The following HS6ST2 variants were observed in gnomAD, a reference collection of about 807,000 sequenced individuals.
HS6ST2 encodes heparan-sulfate 6-O-sulfotransferase 2.
A neutral mutation model predicts 33.0 loss-of-function variants in HS6ST2; 17 were observed. That is an observed-to-expected ratio of 0.52 (90% CI 0.35 to 0.77). HS6ST2 has a LOEUF of 0.77. Among genes scored for constraint, HS6ST2 ranks in the 30% least tolerant of loss-of-function variants. The pLI is 0.01. For missense variants in HS6ST2, 519 were observed against 551.7 expected, an observed-to-expected ratio of 0.94 and a Z score of 0.59; for synonymous variants, 248 against 237.1, an observed-to-expected ratio of 1.05 and a Z score of -0.42.
At position 132,950,238 on chromosome X, in the gene HS6ST2, G is replaced by A. The variant is rs138396721; in HGVS notation, c.947+6570C>T. Among the ~76,000 whole-genome samples the A allele has an allele frequency of 4.5e-3, 500 of 111,392 alleles. 2 individuals carry two copies. Among genetic ancestry groups the A allele is most frequent in the Non-Finnish European group, 6.8e-3 (359 of 53,053 alleles). ...GGACCACATCTACCTGGTTCTTCCC[G>A]GTAACCCCAGCACATAGCACAGGGA... On this transcript the variant is annotated intron_variant, in intron 2 of 4. Coordinates refer to ENST00000370833, the MANE Select transcript of HS6ST2 (RefSeq NM_001394073.1).
intron 2 of HS6ST2, among the ~76,000 whole-genome samples, chrX:132,781,723 A>G (rs1322817752): frequency 1.8e-5 from 2 of 111,857 alleles, no homozygotes; most frequent in African/African-American, 6.5e-5. Context: ...GGCAGGAGAC[A>G]GAGCACAGGC....
chrX:132,833,497 T>C (rs1268684898), intron 2 of HS6ST2, among the ~76,000 whole-genome samples: 3 of 111,983 alleles, frequency 2.7e-5, no homozygotes, highest in Non-Finnish European at 5.6e-5. Context: ...TCTAGTGTCC[T>C]GATATCTTCC....
intron 2 of HS6ST2, among the ~76,000 whole-genome samples, chrX:132,898,411 T>C (rs1368509347): frequency 1.2e-5 from 1 of 84,991 alleles, no homozygotes; most frequent in Non-Finnish European, 2.5e-5. Flanking sequence ...ATATATAAGC[T>C]TCTCTGCATT....
chrX:132,838,147 GC>G (rs1282560585), intron 2 of HS6ST2, among the ~76,000 whole-genome samples: 2 of 110,873 alleles, frequency 1.8e-5, no homozygotes, highest in Non-Finnish European at 3.8e-5. Flanking sequence ...AGCTCTCCCC[GC>G]CCACCCACTT....
At chrX:132,838,383 T>A (rs1023101362) in intron 2 of HS6ST2, among the ~76,000 whole-genome samples, 1 of 111,782 alleles carries the variant, frequency 8.9e-6, no homozygotes, top group Non-Finnish European at 1.9e-5. Flanking sequence ...AGTTCCACTA[T>A]CTAGCACCAG....
chrX:132,821,026 C>T (rs5933205), intron 2 of HS6ST2, among the ~76,000 whole-genome samples: 39,762 of 108,968 alleles, frequency 0.36, 5,884 homozygotes, highest in African/African-American at 0.51. Flanking sequence ...AGATCTCCTC[C>T]TTCTCAAAGT....
chrX:132,914,523 T>A (rs986884935), intron 2 of HS6ST2, among the ~76,000 whole-genome samples: 6 of 112,681 alleles, frequency 5.3e-5, no homozygotes, highest in African/African-American at 1.9e-4. Context: ...TACTAATAAT[T>A]GTGTGTTTAG....
intron 2 of HS6ST2, among the ~76,000 whole-genome samples, chrX:132,852,047 A>C (rs1386185757): frequency 9.0e-6 from 1 of 111,461 alleles, no homozygotes; most frequent in Non-Finnish European, 1.9e-5. Flanking sequence ...GAGGCTGAGG[A>C]GGGAGGATCG....
chrX:132,726,661 C>G (rs771396388), intron 2 of HS6ST2, among the ~76,000 whole-genome samples: 1 of 112,255 alleles, frequency 8.9e-6, no homozygotes, highest in Non-Finnish European at 1.9e-5. Flanking sequence ...TGTCCCTGGC[C>G]TATCTGGCTA....
chrX:132,860,627 C>T (rs1249618658), intron 2 of HS6ST2, among the ~76,000 whole-genome samples: 3 of 111,528 alleles, frequency 2.7e-5, no homozygotes, highest in Non-Finnish European at 5.6e-5. Context: ...TCCTTCATTT[C>T]TGTGACTGTG....
chrX:132,804,771 C>A (rs1394965638), intron 2 of HS6ST2, among the ~76,000 whole-genome samples: 1 of 111,502 alleles, frequency 9.0e-6, no homozygotes, highest in African/African-American at 3.3e-5. Context: ...TACACTCCAG[C>A]CTGAGCAACA....
intron 2 of HS6ST2, among the ~76,000 whole-genome samples, chrX:132,799,200 T>C (rs971171676): frequency 6.3e-5 from 7 of 110,298 alleles, no homozygotes; most frequent in Non-Finnish European, 7.6e-5. Context: ...ATAAATGCAC[T>C]TATCTGATTA....
intron 2 of HS6ST2, among the ~76,000 whole-genome samples, chrX:132,904,918 A>G (rs994721300): frequency 4.5e-5 from 5 of 110,679 alleles, no homozygotes; most frequent in Non-Finnish European, 9.4e-5. Flanking sequence ...GGTGCTTTGG[A>G]CATTTTTAGT....
chrX:132,821,489 A>G (rs1006435000), intron 2 of HS6ST2, among the ~76,000 whole-genome samples: 4 of 109,577 alleles, frequency 3.7e-5, no homozygotes, highest in East Asian at 2.9e-4. Context: ...TGGGATTACA[A>G]GCGTGAGCCA....
Position 132,815,191 on chromosome X carries a change from C to T in HS6ST2, c.948-106697G>A, listed in dbSNP as rs752821609. 4.5e-5 allele frequency among the ~76,000 whole-genome samples: 5 copies of T among 112,009 alleles called. No homozygotes were observed. In the East Asian group the frequency reaches 1.4e-3, roughly 31 times the overall value. On this transcript the variant is annotated intron_variant, in intron 2 of 4. Transcript: ENST00000370833. ...GTATGAATACAGTCAGGATTTAAAA[C>T]CTGAAGAACAAATATTTAAAATATA...
intron 2 of HS6ST2, among the ~76,000 whole-genome samples, chrX:132,757,714 G>A (rs1181081920): frequency 8.9e-6 from 1 of 111,852 alleles, no homozygotes; most frequent in Non-Finnish European, 1.9e-5. Context: ...TTAGTGTTTT[G>A]TGACACTTCT....
At chrX:132,756,845 G>A (rs1450186991) in intron 2 of HS6ST2, among the ~76,000 whole-genome samples, 1 of 109,920 alleles carries the variant, frequency 9.1e-6, no homozygotes, top group Non-Finnish European at 1.9e-5. Flanking sequence ...GTGTGTGTGT[G>A]TGTGTGTGTG....
chrX:132,950,712 G>T (rs1047062564), intron 2 of HS6ST2, among the ~76,000 whole-genome samples: 6 of 111,997 alleles, frequency 5.4e-5, no homozygotes, highest in Non-Finnish European at 1.1e-4. Flanking sequence ...TAATCAGCTC[G>T]TGAGAGTTCT....
rs781265604 is a variant in HS6ST2, at chrX:132,958,454, A to G, written c.149T>C (p.Val50Ala). 4.2e-6 allele frequency: 5 copies of G among 1,197,639 alleles called. No individual in the cohort carries two copies. The African/African-American group carries it at 8.7e-5, about 21-fold the overall frequency. Reference protein sequence around the residue: ...ASRPGSVAASVRAGPPRGVSH... With the variant: ...ASRPGSVAASARAGPPRGVSH... Reference sequence around the variant, plus strand: ...CACACCCCTAGGAGGGCCCGCGCGAACTGAGGCGGCGACCGACCCGGGCCG... The same window carrying G: ...CACACCCCTAGGAGGGCCCGCGCGAGCTGAGGCGGCGACCGACCCGGGCCG... Residue 50 changes from valine to alanine, a missense_variant, in exon 1 of 5, where the codon GTT (valine) becomes GCT (alanine). Physicochemically the swap from Val to Ala is moderately conservative, Grantham distance 64. Coordinates refer to ENST00000370833, the MANE Select transcript of HS6ST2 (RefSeq NM_001394073.1).
Sources: gnomAD v4.1 joint callset for allele counts (sites outside exome capture counted in the v4.1 genomes callset) on GRCh38, gnomAD v4.1.1 for gene constraint, MANE v1.5 for transcripts, NCBI Gene and HGNC (gene_info 2026-07-23, HGNC 2026-07-21) for gene names.